Variants in EPHA6 observed in about 807,000 individuals in gnomAD.
EPHA6 encodes the protein EPH receptor A6.
EPHA6 carries 50 observed loss-of-function variants against 112.0 expected under a neutral mutation model. The ratio of observed to expected loss-of-function variants is 0.45; its 90% CI spans 0.36 to 0.56. The LOEUF (loss-of-function observed/expected upper bound fraction) is 0.56, where lower values mean the gene tolerates loss of function less well. EPHA6 is among the 20% of genes least tolerant of loss of function. The pLI, the probability that EPHA6 is intolerant of heterozygous loss-of-function variation, is 0.00. For missense variants in EPHA6, 1,280 were observed against 1,417.4 expected (o/e 0.90, Z 1.56); for synonymous variants, 529 against 490.7 (o/e 1.08, Z -1.03).
chr3:97,044,686 A>G (rs533333428), intron 3 of EPHA6, among the ~76,000 whole-genome samples: 1 of 151,996 alleles, frequency 6.6e-6, no homozygotes, highest in South Asian at 2.1e-4. Flanking sequence ...AAATAAAGGG[A>G]TCAATTAACC....
At chr3:97,656,890 A>G (rs1357949827) in intron 14 of EPHA6, among the ~76,000 whole-genome samples, 2 of 151,928 alleles carry the variant, frequency 1.3e-5, no homozygotes, top group African/African-American at 4.8e-5. Flanking sequence ...TTGCTTCTTT[A>G]AACTTGCAAT....
At chr3:97,482,130 T>C (rs940446305) in intron 9 of EPHA6, among the ~76,000 whole-genome samples, 3 of 152,208 alleles carry the variant, frequency 2.0e-5, no homozygotes, top group African/African-American at 7.2e-5. Context: ...ACTACACATA[T>C]GTTTATAAGA....
intron 10 of EPHA6, among the ~76,000 whole-genome samples, chr3:97,509,154 G>C (rs115538881): frequency 6.6e-6 from 1 of 151,248 alleles, no homozygotes; most frequent in African/African-American, 2.4e-5. Flanking sequence ...GCCTGTCTGC[G>C]TCTTTTAATT....
intron 6 of EPHA6, among the ~76,000 whole-genome samples, chr3:97,431,427 G>T (rs1437995456): frequency 3.9e-5 from 6 of 152,088 alleles, no homozygotes; most frequent in African/African-American, 9.7e-5. Flanking sequence ...TAAATTAATT[G>T]TTTTTGGCTA....
chr3:97,583,264 G>A (rs1390447676), intron 11 of EPHA6, among the ~76,000 whole-genome samples: 2 of 152,010 alleles, frequency 1.3e-5, no homozygotes, highest in Non-Finnish European at 2.9e-5. Context: ...AGTTGGCAGG[G>A]CGCGGTGGCT....
At chr3:97,002,298 A>T (rs1260851832) in intron 3 of EPHA6, among the ~76,000 whole-genome samples, 4 of 151,486 alleles carry the variant, frequency 2.6e-5, no homozygotes, top group South Asian at 2.1e-4. Flanking sequence ...TTATGAACTA[A>T]TTCACTATGG....
At chr3:96,818,348 A>G (rs1165725021) in intron 1 of EPHA6, among the ~76,000 whole-genome samples, 2 of 151,990 alleles carry the variant, frequency 1.3e-5, no homozygotes, top group African/African-American at 4.8e-5. Flanking sequence ...TGCTTTTACA[A>G]ATAATCAATT....
In EPHA6 at chr3:97,749,624, A is replaced by G. The variant is rs1465646928; in HGVS notation, c.*923A>G. ...TGCAAAAGCAATTATCAAAGCACTG[A>G]GAAAATTGGTCATTCTCAGTAGAAT... On this transcript the variant is annotated 3_prime_UTR_variant, in exon 18 of 18. Transcript: ENST00000389672. Among the ~76,000 whole-genome samples the G allele has an allele frequency of 6.6e-6, 1 of 152,174 alleles. No individual in the cohort carries two copies. The highest frequency in any genetic ancestry group is 1.9e-4 in the East Asian group (1 of 5,202).
chr3:96,948,400 T>C (rs766913925), intron 2 of EPHA6, among the ~76,000 whole-genome samples: 7 of 152,288 alleles, frequency 4.6e-5, no homozygotes, highest in Non-Finnish European at 1.0e-4. Context: ...TTTTGAAACT[T>C]AGGAATCAGT....
intron 3 of EPHA6, among the ~76,000 whole-genome samples, chr3:97,191,781 G>T (rs1559787796): frequency 6.6e-6 from 1 of 152,130 alleles, no homozygotes; most frequent in Non-Finnish European, 1.5e-5. Flanking sequence ...ACGTAGTGCT[G>T]AGATAAATAT....
intron 2 of EPHA6, among the ~76,000 whole-genome samples, chr3:96,951,887 C>T (rs62263703): frequency 0.028 from 4,206 of 151,998 alleles, 102 homozygotes; most frequent in Middle Eastern, 0.065. Flanking sequence ...ATCTCTGTGG[C>T]CTGCAGTAGT....
intron 5 of EPHA6, among the ~76,000 whole-genome samples, chr3:97,315,828 C>T (rs2081803128): frequency 6.6e-6 from 1 of 151,772 alleles, no homozygotes; most frequent in Non-Finnish European, 1.5e-5. Flanking sequence ...AGTGCAAGAG[C>T]CAGTATTTAA....
At chr3:97,577,543 A>C (rs975597525) in intron 11 of EPHA6, among the ~76,000 whole-genome samples, 1 of 152,112 alleles carries the variant, frequency 6.6e-6, no homozygotes. Context: ...AGCTCACAAA[A>C]AATTGTTTCC....
chr3:96,955,050 G>A (rs746025411), intron 2 of EPHA6, among the ~76,000 whole-genome samples: 7 of 151,984 alleles, frequency 4.6e-5, no homozygotes, highest in Non-Finnish European at 8.8e-5. Flanking sequence ...ATATTTCAAA[G>A]TATAGATAAA....
At chr3:97,326,679 CT>C (rs1675363008) in intron 5 of EPHA6, among the ~76,000 whole-genome samples, 1 of 151,998 alleles carries the variant, frequency 6.6e-6, no homozygotes, top group Non-Finnish European at 1.5e-5. Flanking sequence ...AGCAAATGGT[CT>C]TGGTAGAAAT....
At chr3:97,070,276 T>C (rs1161790317) in intron 3 of EPHA6, among the ~76,000 whole-genome samples, 1 of 152,128 alleles carries the variant, frequency 6.6e-6, no homozygotes, top group Non-Finnish European at 1.5e-5. Flanking sequence ...GCCTGGAACA[T>C]AGTCAGCCCT....
intron 14 of EPHA6, among the ~76,000 whole-genome samples, chr3:97,644,192 G>A (rs1307547656): frequency 6.6e-6 from 1 of 151,966 alleles, no homozygotes; most frequent in Admixed American, 6.6e-5. Context: ...ATGACTACTG[G>A]ATACATAACG....
At chr3:97,725,777 C>G (rs1559630273) in intron 15 of EPHA6, among the ~76,000 whole-genome samples, 1 of 152,014 alleles carries the variant, frequency 6.6e-6, no homozygotes, top group Admixed American at 6.6e-5. Flanking sequence ...CTGTGACAAC[C>G]AAAAATATCC....
chr3:97,558,615 A>G (rs915817780), intron 11 of EPHA6, among the ~76,000 whole-genome samples: 2 of 152,032 alleles, frequency 1.3e-5, no homozygotes, highest in African/African-American at 4.8e-5. Flanking sequence ...AGGAAATATT[A>G]ATGTGTTTCA....
Sources: gnomAD v4.1 joint callset for allele counts (sites outside exome capture counted in the v4.1 genomes callset) on GRCh38, gnomAD v4.1.1 for gene constraint, MANE v1.5 for transcripts, NCBI Gene and HGNC (gene_info 2026-07-23, HGNC 2026-07-21) for gene names.